Variants in PTPRT observed in about 807,000 individuals in gnomAD.
The protein encoded by PTPRT is receptor-type tyrosine-protein phosphatase T.
PTPRT carries 56 observed loss-of-function variants against 176.8 expected under a neutral mutation model. That is an observed-to-expected ratio of 0.32 (90% CI 0.26 to 0.40). The LOEUF (loss-of-function observed/expected upper bound fraction) is 0.40. Among genes scored for constraint, PTPRT ranks in the 10% least tolerant of loss-of-function variants. The probability of loss-of-function intolerance (pLI) is 1.00; values close to 1 mark genes in which losing one functional copy is unlikely to be tolerated. For synonymous variants in PTPRT, 783 were observed against 739.0 expected (o/e 1.06, Z -0.96); for missense variants, 1,540 against 1,908.2 (o/e 0.81, Z 3.60).
chr20:42,472,354 G>A lies in PTPRT; in HGVS notation c.1362C>T (p.Pro454=). ...AGAGTCGCAGCCGGATGGTCATGAA[G>A]GGGCGCAGGCCTCGCAGGGTGTAGT... ...SSHYTLRGLR[P]FMTIRLRLLL... The change falls in exon 8 of 31, where the codon CCC becomes CCT. Residue 454 remains proline (P), a synonymous_variant. Coordinates refer to ENST00000373187, the MANE Select transcript of PTPRT (RefSeq NM_007050.6). The A allele has an allele frequency of 6.2e-7, 1 of 1,614,240 alleles. No homozygotes were observed. The highest frequency in any genetic ancestry group is 8.5e-7 in the Non-Finnish European group (1 of 1,180,048).
At chr20:43,040,628 A>C (rs2425551) in intron 1 of PTPRT, among the ~76,000 whole-genome samples, 44,279 of 151,866 alleles carry the variant, frequency 0.29, 8,396 homozygotes, top group African/African-American at 0.53. Context: ...AAAGATGGGA[A>C]TACCTGCTAA....
intron 9 of PTPRT, among the ~76,000 whole-genome samples, chr20:42,389,370 T>C (rs2058777404): frequency 6.6e-6 from 1 of 152,194 alleles, no homozygotes; most frequent in Non-Finnish European, 1.5e-5. Flanking sequence ...AATTCTTCTT[T>C]CACAGCACAC....
chr20:42,114,023 C>G (rs990915244), intron 22 of PTPRT, among the ~76,000 whole-genome samples: 5 of 152,358 alleles, frequency 3.3e-5, no homozygotes, highest in Admixed American at 6.5e-5. Context: ...GCAGAGCAGC[C>G]TGCTTTGGCC....
chr20:43,128,162 A>G (rs2013514558), intron 1 of PTPRT, among the ~76,000 whole-genome samples: 1 of 152,240 alleles, frequency 6.6e-6, no homozygotes, highest in African/African-American at 2.4e-5. Flanking sequence ...TGAGAAGCAG[A>G]GCAAGTCTGC....
chr20:43,072,916 C>T (rs1369482059), intron 1 of PTPRT, among the ~76,000 whole-genome samples: 3 of 152,162 alleles, frequency 2.0e-5, no homozygotes, highest in Non-Finnish European at 4.4e-5. Flanking sequence ...TTTAAGTTTC[C>T]ACCAAGCTCA....
intron 1 of PTPRT, among the ~76,000 whole-genome samples, chr20:43,039,211 C>T (rs796540686): frequency 1.3e-5 from 2 of 152,286 alleles, no homozygotes; most frequent in African/African-American, 4.8e-5. Context: ...AACAAGATAG[C>T]ATCACTGTAT....
intron 19 of PTPRT, among the ~76,000 whole-genome samples, chr20:42,125,819 CT>C (rs1386927516): frequency 3.3e-5 from 5 of 152,218 alleles, no homozygotes; most frequent in Non-Finnish European, 5.9e-5. Context: ...AGGAAAATGA[CT>C]TTTGTTGGGG....
rs745862490 is a variant in PTPRT at position 42,106,807 on chromosome 20, C to T, written c.3369G>A (p.Arg1123=). Reference sequence around the variant, plus strand: ...TCACCTCTGTCTGTACCAGGTTGACCCTTTGGGCCCGGAGCTCACGCACGC... The same window carrying T: ...TCACCTCTGTCTGTACCAGGTTGACTCTTTGGGCCCGGAGCTCACGCACGC... ...FNCVRELRAQ[R]VNLVQTEEQY... is the part of the protein sequence containing the mutation. The change falls in exon 24 of 31, where the codon AGG becomes AGA. Residue 1123 remains arginine (R), a synonymous_variant. Transcript: ENST00000373187. 6.2e-7 allele frequency: 1 copy of T among 1,613,972 alleles called. No individual in the cohort carries two copies. The highest frequency in any genetic ancestry group is 1.3e-5 in the African/African-American group (1 of 74,896).
At chr20:42,101,469 CT>C (rs1186290642) in intron 26 of PTPRT, among the ~76,000 whole-genome samples, 1 of 152,136 alleles carries the variant, frequency 6.6e-6, no homozygotes, top group African/African-American at 2.4e-5. Context: ...GAAGCTTAGG[CT>C]CGCTGGACCA....
intron 7 of PTPRT, among the ~76,000 whole-genome samples, chr20:42,647,565 C>T (rs1211141530): frequency 6.6e-6 from 1 of 152,138 alleles, no homozygotes; most frequent in Non-Finnish European, 1.5e-5. Flanking sequence ...CCCTGAGTCT[C>T]TGCTGTAAAA....
At chr20:42,996,374 A>G (rs980080733) in intron 1 of PTPRT, among the ~76,000 whole-genome samples, 3 of 152,204 alleles carry the variant, frequency 2.0e-5, no homozygotes, top group Admixed American at 6.5e-5. Context: ...ATGAGAAGTG[A>G]GATTTGAATA....
At chr20:42,982,284 C>T (rs1983328316) in intron 1 of PTPRT, among the ~76,000 whole-genome samples, 2 of 152,210 alleles carry the variant, frequency 1.3e-5, no homozygotes, top group African/African-American at 2.4e-5. Context: ...AGAGCCATGA[C>T]TAAGAAGCCA....
chr20:43,001,929 TG>T (rs1984589105), intron 1 of PTPRT, among the ~76,000 whole-genome samples: 1 of 152,132 alleles, frequency 6.6e-6, no homozygotes, highest in South Asian at 2.1e-4. Context: ...GTGGATGTTG[TG>T]GGGCTGATAT....
At chr20:42,347,739 T>C (rs1367926219) in intron 11 of PTPRT, among the ~76,000 whole-genome samples, 2 of 152,236 alleles carry the variant, frequency 1.3e-5, no homozygotes, top group Non-Finnish European at 2.9e-5. Flanking sequence ...CTATAAAACC[T>C]GTCCCCGCCT....
chr20:43,148,776 T>C (rs1436742620), intron 1 of PTPRT, among the ~76,000 whole-genome samples: 1 of 152,190 alleles, frequency 6.6e-6, no homozygotes, highest in Non-Finnish European at 1.5e-5. Flanking sequence ...ATAGGGTTCA[T>C]ATGCCTCAAA....
At chr20:43,110,220 A>G (rs568297954) in intron 1 of PTPRT, among the ~76,000 whole-genome samples, 1 of 152,268 alleles carries the variant, frequency 6.6e-6, no homozygotes, top group Admixed American at 6.5e-5. Flanking sequence ...AAGTGAGGAA[A>G]TGCCAGGTTC....
In PTPRT at chr20:42,492,567, C is replaced by T. The variant is rs988515592; in HGVS notation, c.1154-20005G>A. On this transcript the variant is annotated intron_variant, in intron 7 of 30. Transcript: ENST00000373187. ...GACTTTCCTCTAAGTGTTGCTTCAG[C>T]CTGTTGTGCAAATATAGACTTGTTC... Among the ~76,000 whole-genome samples, 9 of 152,082 alleles carry T rather than the reference C, an allele frequency of 5.9e-5. No homozygotes were observed. In the South Asian group the frequency reaches 1.5e-3, roughly 25 times the overall value.
At chr20:43,003,235 T>C (rs909031200) in intron 1 of PTPRT, among the ~76,000 whole-genome samples, 2 of 152,200 alleles carry the variant, frequency 1.3e-5, no homozygotes, top group Non-Finnish European at 2.9e-5. Flanking sequence ...TCACCTAGGC[T>C]AGAGTGCAGT....
At chr20:42,849,455 CAG>C (rs1403849497) in intron 2 of PTPRT, among the ~76,000 whole-genome samples, 1 of 152,170 alleles carries the variant, frequency 6.6e-6, no homozygotes, top group Admixed American at 6.5e-5. Flanking sequence ...AAAGTGGAAA[CAG>C]ATCAGATGCA....
Sources: allele counts gnomAD v4.1 joint callset (sites outside exome capture counted in the v4.1 genomes callset), GRCh38; gene constraint gnomAD v4.1.1; transcripts MANE v1.5; gene names NCBI Gene and HGNC (gene_info 2026-07-23, HGNC 2026-07-21).